Variants in EEA1 observed in about 807,000 individuals in gnomAD.
EEA1 encodes the protein early endosome antigen 1, 162kD.
In EEA1, 111 loss-of-function variants were observed where a neutral mutation model predicts 209.2. That is an observed-to-expected ratio of 0.53 (90% CI 0.45 to 0.62). The LOEUF is 0.62. Ranked by LOEUF, EEA1 falls within the 20% of genes least tolerant of loss-of-function variation. EEA1 has a pLI of 0.00. For missense variants in EEA1, 1,343 were observed against 1,530.8 expected (o/e 0.88, Z 2.05); for synonymous variants, 536 against 540.6 (o/e 0.99, Z 0.12).
chr12:92,777,561 T>G lies in EEA1; in HGVS notation c.3996A>C (p.Arg1332Ser). ...NTTAAVQELG[R>S]ENQSLQIKHT... ...GACTGACCTGAAGTGATTGGTTTTC[T>G]CTGCCCAGCTCCTGCACTGCTGCAG... The change falls in exon 27 of 29, where the codon AGA becomes AGC. Residue 1332 changes from arginine (R) to serine (S), a missense_variant. Transcript: ENST00000322349. 6.2e-7 allele frequency: 1 copy of G among 1,611,852 alleles called. No homozygotes were observed.
chr12:92,902,464 C>T (rs61935289), intron 1 of EEA1, among the ~76,000 whole-genome samples: 15 of 152,168 alleles, frequency 9.9e-5, no homozygotes, highest in Non-Finnish European at 1.8e-4. Context: ...TAAATCCGGC[C>T]GGGTGCGATG....
intron 3 of EEA1, among the ~76,000 whole-genome samples, chr12:92,857,866 C>T (rs1402069712): frequency 6.6e-6 from 1 of 152,158 alleles, no homozygotes. Context: ...CTAGTCATTG[C>T]CTTATCACTC....
chr12:92,909,671 T>C (rs755579062), intron 1 of EEA1, among the ~76,000 whole-genome samples: 4 of 152,244 alleles, frequency 2.6e-5, no homozygotes, highest in African/African-American at 4.8e-5. Context: ...CATGAATGGA[T>C]TGCCATTATT....
intron 18 of EEA1, among the ~76,000 whole-genome samples, chr12:92,804,395 AC>A (rs979909079): frequency 6.6e-5 from 10 of 151,910 alleles, no homozygotes; most frequent in Admixed American, 1.3e-4. Context: ...ACACAGTGAA[AC>A]CCCCATCTCT....
At chr12:92,812,941 G>A in intron 16 of EEA1, 39 bp downstream of exon 16, 2 of 1,379,258 alleles carry the variant, frequency 1.5e-6, no homozygotes, top group Non-Finnish European at 2.0e-6. Context: ...ATCTACCAAA[G>A]CACTAGGTGA....
At chr12:92,881,613 A>C (rs983026385) in intron 2 of EEA1, among the ~76,000 whole-genome samples, 4 of 152,190 alleles carry the variant, frequency 2.6e-5, no homozygotes, top group Non-Finnish European at 5.9e-5. Flanking sequence ...TAAGAAGTAA[A>C]GTAAGATGAG....
intron 15 of EEA1, among the ~76,000 whole-genome samples, chr12:92,814,083 A>G (rs1018594992): frequency 1.3e-5 from 2 of 152,186 alleles, no homozygotes; most frequent in Non-Finnish European, 2.9e-5. Context: ...TAAAATTAAC[A>G]TATTTTGAGA....
intron 18 of EEA1, among the ~76,000 whole-genome samples, chr12:92,803,943 A>C (rs1875060579): frequency 6.6e-6 from 1 of 152,208 alleles, no homozygotes; most frequent in African/African-American, 2.4e-5. Context: ...CAAAGAAAGC[A>C]AAACAGAAAT....
At chr12:92,914,551 T>TGGCTC (rs1880693834) in intron 1 of EEA1, among the ~76,000 whole-genome samples, 1 of 152,110 alleles carries the variant, frequency 6.6e-6, no homozygotes, top group Non-Finnish European at 1.5e-5. Context: ...TGAGGCTGGG[T>TGGCTC]ACACTGGCTC....
rs5800089 is a variant in EEA1, at chr12:92,834,546, T to TAAAAAAAAAAAAAAAAAAAAAAAA, written c.916-1697_916-1696insTTTTTTTTTTTTTTTTTTTTTTTT. 2.7e-5 allele frequency among the ~76,000 whole-genome samples: 2 copies of TAAAAAAAAAAAAAAAAAAAAAAAA among 74,424 alleles called. 1 individual carries two copies. The highest frequency in any genetic ancestry group is 1.1e-4 in the African/African-American group (2 of 18,106). 48.8% of individuals were successfully genotyped at this position (74,424 alleles called of 152,430 possible). ...GGCAACAAGGGCAAGACCCTGTCACTAAAAAAAAAAAAAAAAAAAAAAAGA... is the reference window on the plus strand; with the variant it reads ...GGCAACAAGGGCAAGACCCTGTCACTAAAAAAAAAAAAAAAAAAAAAAAAAAAAAAAAAAAAAAAAAAAAAAAGA... On this transcript the variant is annotated intron_variant, in intron 10 of 28. Transcript: ENST00000322349.
Position 92,775,967 on chromosome 12 carries a change from A to C in EEA1, c.*44T>G. On this transcript the variant is annotated 3_prime_UTR_variant, in exon 29 of 29. Transcript: ENST00000322349. ...ACCTCTATTAAGTACATTTATTAAA[A>C]ATCTAATGTTAGTGTAATATTACTC... 4 of 1,591,878 alleles carry C rather than the reference A, an allele frequency of 2.5e-6. No homozygotes were observed. The South Asian group carries it at 4.6e-5, about 18-fold the overall frequency.
intron 26 of EEA1, 45 bp downstream of exon 26, chr12:92,777,896 A>T (rs754521970): frequency 1.3e-6 from 2 of 1,541,940 alleles, no homozygotes; most frequent in South Asian, 2.3e-5. Flanking sequence ...CAATCTTTTT[A>T]TCACTTACAA....
At chr12:92,924,854 A>T (rs1485363900) in intron 1 of EEA1, among the ~76,000 whole-genome samples, 1 of 150,988 alleles carries the variant, frequency 6.6e-6, no homozygotes, top group African/African-American at 2.4e-5. Flanking sequence ...AAAAAAAAAA[A>T]AAAAAAAAAA....
intron 14 of EEA1, among the ~76,000 whole-genome samples, chr12:92,817,168 A>C (rs1229678450): frequency 2.6e-5 from 4 of 151,030 alleles, no homozygotes; most frequent in African/African-American, 9.9e-5. Context: ...ATACTATCCC[A>C]TGGGTCACTA....
chr12:92,824,961 T>C (rs895043401), intron 13 of EEA1, among the ~76,000 whole-genome samples: 63 of 152,338 alleles, frequency 4.1e-4, no homozygotes, highest in African/African-American at 1.3e-3. Context: ...TTTTGATCTC[T>C]ATCCATCTGA....
At chr12:92,780,146 T>C in intron 24 of EEA1, 134 bp downstream of exon 24, 2 of 900,806 alleles carry the variant, frequency 2.2e-6, no homozygotes, top group Non-Finnish European at 3.2e-6. Flanking sequence ...GCAAGAGTAT[T>C]TGTCAGAAAC....
intron 1 of EEA1, among the ~76,000 whole-genome samples, chr12:92,903,459 G>T (rs537300787): frequency 2.0e-5 from 3 of 151,602 alleles, no homozygotes; most frequent in South Asian, 2.1e-4. Context: ...TTAGCCAGGC[G>T]TGGTGGCACG....
chr12:92,876,512 CCCTAT>C (rs1226255251), intron 2 of EEA1, among the ~76,000 whole-genome samples: 1 of 152,142 alleles, frequency 6.6e-6, no homozygotes, highest in Non-Finnish European at 1.5e-5. Flanking sequence ...AGGGATAAGA[CCCTAT>C]CTATGAACCG....
chr12:92,879,216 T>TTTGTTTTTTGGAA, intron 2 of EEA1: 2 of 302,438 alleles, frequency 6.6e-6, no homozygotes, highest in South Asian at 2.8e-5. Context: ...TTTTTTTTTT[T>TTTGTTTTTTGGAA]TGTATTTTGG....
Sources: gnomAD v4.1 joint callset for allele counts (sites outside exome capture counted in the v4.1 genomes callset) on GRCh38, gnomAD v4.1.1 for gene constraint, MANE v1.5 for transcripts, NCBI Gene and HGNC (gene_info 2026-07-23, HGNC 2026-07-21) for gene names.